PRMT8: variants seen among roughly 807,000 people sequenced by gnomAD.
PRMT8 encodes the protein protein arginine N-methyltransferase 8.
In PRMT8, 7 loss-of-function variants were observed where a neutral mutation model predicts 47.1. The ratio of observed to expected loss-of-function variants is 0.15; its 90% CI spans 0.08 to 0.28. The LOEUF (loss-of-function observed/expected upper bound fraction) is 0.28. PRMT8 is among the 10% of genes least tolerant of loss of function. PRMT8 has a pLI of 1.00. For synonymous variants in PRMT8, 188 were observed against 186.5 expected (o/e 1.01, Z -0.07); for missense variants, 237 against 505.4 (o/e 0.47, Z 5.09).
intron 1 of PRMT8, among the ~76,000 whole-genome samples, chr12:3,454,377 C>G (rs561385578): frequency 1.3e-5 from 2 of 152,254 alleles, no homozygotes; most frequent in African/African-American, 2.4e-5. Flanking sequence ...ACCTGGGCTC[C>G]CCTAAGAATC....
chr12:3,397,745 C>T (rs964808594), intron 1 of PRMT8, among the ~76,000 whole-genome samples: 12 of 151,746 alleles, frequency 7.9e-5, no homozygotes, highest in African/African-American at 2.4e-4. Flanking sequence ...CCCCCCAGTT[C>T]GTGCTTCCCG....
chr12:3,457,903 T>A (rs1278707823), intron 1 of PRMT8, among the ~76,000 whole-genome samples: 1 of 141,814 alleles, frequency 7.1e-6, no homozygotes, highest in African/African-American at 2.6e-5. Context: ...AGTGCAGTGG[T>A]GTGATCTCAG....
chr12:3,584,410 CT>C (rs1428549868), intron 8 of PRMT8, among the ~76,000 whole-genome samples: 2 of 152,204 alleles, frequency 1.3e-5, no homozygotes, highest in Non-Finnish European at 2.9e-5. Context: ...AACACCACCC[CT>C]GAGCCATCTC....
At chr12:3,562,668 G>A (rs544805689) in intron 4 of PRMT8, among the ~76,000 whole-genome samples, 4 of 152,294 alleles carry the variant, frequency 2.6e-5, no homozygotes, top group Admixed American at 2.0e-4. Context: ...CATCTGTGTC[G>A]TTAGCTTGAA....
In PRMT8 at chr12:3,540,613, G is replaced by GCCCCCCCGCCCCCCCCCC; in HGVS notation, c.90_91insGCCCCCCCCCCCCCCCCC (p.Pro30_Ser31insAlaProProProProPro). On this transcript the variant is annotated inframe_insertion, in exon 2 of 10. Coordinates refer to ENST00000382622, the MANE Select transcript of PRMT8 (RefSeq NM_019854.5). ...CCCTTCTCTTCCCCTCAGGTGAACA[G>GCCCCCCCGCCCCCCCCCC]CCCCCCCTCCCAGCCCCCCCAGCCC... 1 of 1,130,522 alleles carries GCCCCCCCGCCCCCCCCCC rather than the reference G, an allele frequency of 8.8e-7. No homozygotes were observed. Among genetic ancestry groups the GCCCCCCCGCCCCCCCCCC allele is most frequent in the Non-Finnish European group, 1.3e-6 (1 of 752,492 alleles). 70.0% of individuals were successfully genotyped at this position (1,130,522 alleles called of 1,614,324 possible).
intron 1 of PRMT8, among the ~76,000 whole-genome samples, chr12:3,460,172 AC>A (rs1200920606): frequency 6.6e-6 from 1 of 152,124 alleles, no homozygotes; most frequent in Non-Finnish European, 1.5e-5. Context: ...GAAGTGGCTT[AC>A]CCCAGTTCTC....
At chr12:3,455,262 T>TA (rs1463996124) in intron 1 of PRMT8, among the ~76,000 whole-genome samples, 7 of 152,212 alleles carry the variant, frequency 4.6e-5, no homozygotes, top group Non-Finnish European at 1.0e-4. Flanking sequence ...GTTGGTCCTA[T>TA]AACACCAGTC....
At chr12:3,529,499 T>C (rs1158446336) in intron 1 of PRMT8, among the ~76,000 whole-genome samples, 1 of 152,216 alleles carries the variant, frequency 6.6e-6, no homozygotes, top group Non-Finnish European at 1.5e-5. Flanking sequence ...TGGCTGACGT[T>C]ATTCCCTCTC....
chr12:3,532,260 TATATA>T (rs986890155), intron 1 of PRMT8, among the ~76,000 whole-genome samples: 38 of 148,464 alleles, frequency 2.6e-4, no homozygotes, highest in Admixed American at 1.9e-3. Flanking sequence ...ATATAATATT[TATATA>T]ATATATTTAA....
At chr12:3,567,942 A>T (rs572874421) in intron 4 of PRMT8, among the ~76,000 whole-genome samples, 1 of 152,038 alleles carries the variant, frequency 6.6e-6, no homozygotes, top group East Asian at 1.9e-4. Context: ...GCGTGGTGGC[A>T]CATGCCTGTA....
chr12:3,562,499 T>G (rs1263685551), intron 4 of PRMT8, among the ~76,000 whole-genome samples: 1 of 151,686 alleles, frequency 6.6e-6, no homozygotes, highest in Non-Finnish European at 1.5e-5. Flanking sequence ...CATCACAAAC[T>G]GTGAACGTGC....
intron 1 of PRMT8, among the ~76,000 whole-genome samples, chr12:3,438,324 G>C (rs1864766658): frequency 6.6e-6 from 1 of 152,214 alleles, no homozygotes; most frequent in South Asian, 2.1e-4. Flanking sequence ...CTGGTGGGCT[G>C]CAGCCACTGC....
rs536090828 is a variant in PRMT8 at position 3,468,850 on chromosome 12, A to G, written c.49-71756A>G. The G allele has an allele frequency of 1.7e-4, 26 of 156,584 alleles. No homozygotes were observed. The South Asian group carries it at 5.1e-3, about 31-fold the overall frequency. 9.7% of individuals were successfully genotyped at this position (156,584 alleles called of 1,614,324 possible). A position where few individuals can be genotyped will look rare whatever the true frequency, so the allele number is the denominator to read the frequency against. On this transcript the variant is annotated intron_variant, in intron 1 of 9. Transcript: ENST00000452611. ...GAACTGAAAGTTTTGCACAAGCTCT[A>G]TGTATGCTGTTTTGCACGCACTTCT...
At chr12:3,590,889 C>T (rs1185109905) in intron 8 of PRMT8, among the ~76,000 whole-genome samples, 2 of 152,158 alleles carry the variant, frequency 1.3e-5, no homozygotes, top group Admixed American at 6.5e-5. Flanking sequence ...AAGGCTGGCC[C>T]GGTCCCTGCC....
At chr12:3,563,470 T>G (rs548111416) in intron 4 of PRMT8, among the ~76,000 whole-genome samples, 136 of 152,038 alleles carry the variant, frequency 8.9e-4, no homozygotes, top group Non-Finnish European at 1.7e-3. Context: ...TAGGGTCAGT[T>G]TGCTGCAGGA....
chr12:3,457,188 C>T (rs547774802), intron 1 of PRMT8, among the ~76,000 whole-genome samples: 11 of 152,328 alleles, frequency 7.2e-5, no homozygotes, highest in Middle Eastern at 6.8e-3. Context: ...TCCCTGAGCA[C>T]TGCTGGGCTC....
intron 1 of PRMT8, among the ~76,000 whole-genome samples, chr12:3,420,484 C>T (rs1937683490): frequency 6.6e-6 from 1 of 152,160 alleles, no homozygotes; most frequent in Non-Finnish European, 1.5e-5. Context: ...GACTGTTTCC[C>T]ACTGAGAAGC....
At chr12:3,389,392 C>T (rs1279105185) in intron 1 of PRMT8, among the ~76,000 whole-genome samples, 1 of 152,128 alleles carries the variant, frequency 6.6e-6, no homozygotes, top group Admixed American at 6.5e-5. Flanking sequence ...CTCGCCCAGC[C>T]CTTGGTCCTC....
chr12:3,560,669 G>A (rs531581436), intron 4 of PRMT8, among the ~76,000 whole-genome samples: 1 of 152,250 alleles, frequency 6.6e-6, no homozygotes, highest in Admixed American at 6.5e-5. Flanking sequence ...AAGGAAAAAA[G>A]CATGCCCCTC....
Sources: allele counts gnomAD v4.1 joint callset (sites outside exome capture counted in the v4.1 genomes callset), GRCh38; gene constraint gnomAD v4.1.1; transcripts MANE v1.5; gene names NCBI Gene and HGNC (gene_info 2026-07-23, HGNC 2026-07-21).